Variants in CTNNA3 observed in about 807,000 individuals in gnomAD.
The protein encoded by CTNNA3 is catenin alpha-3.
Under a neutral mutation model 95.7 loss-of-function variants are expected in CTNNA3, and 76 were observed. The ratio of observed to expected loss-of-function variants is 0.79; its 90% CI spans 0.66 to 0.96. CTNNA3 has a LOEUF of 0.96. Among genes scored for constraint, CTNNA3 ranks in the 40% least tolerant of loss-of-function variants. The probability of loss-of-function intolerance (pLI) is 0.00; values close to 1 mark genes in which losing one functional copy is unlikely to be tolerated. For synonymous variants in CTNNA3, 431 were observed against 374.4 expected (o/e 1.15, Z -1.74); for missense variants, 1,191 against 1,089.8 (o/e 1.09, Z -1.31).
chr10:66,613,955 A>G (rs1479870252), intron 10 of CTNNA3, among the ~76,000 whole-genome samples: 1 of 152,088 alleles, frequency 6.6e-6, no homozygotes, highest in Non-Finnish European at 1.5e-5. Context: ...TGATACTTAG[A>G]AAATTAAGTG....
chr10:67,243,254 G>A (rs71496036), intron 5 of CTNNA3, among the ~76,000 whole-genome samples: 1,532 of 152,078 alleles, frequency 0.01, 15 homozygotes, highest in Non-Finnish European at 0.016. Context: ...AGGAATATCC[G>A]TGACTTTTCC....
intron 7 of CTNNA3, among the ~76,000 whole-genome samples, chr10:66,871,711 A>G (rs1296877573): frequency 6.6e-6 from 1 of 152,218 alleles, no homozygotes; most frequent in East Asian, 1.9e-4. Flanking sequence ...CTGTTCTGGA[A>G]TCTTTACATT....
intron 17 of CTNNA3, among the ~76,000 whole-genome samples, chr10:65,935,836 A>T (rs1265876670): frequency 1.3e-5 from 2 of 152,116 alleles, no homozygotes; most frequent in Non-Finnish European, 2.9e-5. Context: ...ATAGAAGGCT[A>T]GGGGTATTTT....
chr10:67,628,104 T>G (rs866325154), intron 2 of CTNNA3, among the ~76,000 whole-genome samples: 3 of 151,494 alleles, frequency 2.0e-5, no homozygotes, highest in Middle Eastern at 3.2e-3. Context: ...TAAATTTATT[T>G]AAAATTTACT....
intron 12 of CTNNA3, among the ~76,000 whole-genome samples, chr10:66,313,051 G>A (rs1055032453): frequency 6.6e-6 from 1 of 152,160 alleles, no homozygotes; most frequent in Non-Finnish European, 1.5e-5. Context: ...AAAAGGAAGA[G>A]AGTCTAGATT....
At chr10:66,332,628 C>A (rs2092344845) in intron 12 of CTNNA3, among the ~76,000 whole-genome samples, 1 of 151,954 alleles carries the variant, frequency 6.6e-6, no homozygotes, top group South Asian at 2.1e-4. Context: ...ATTTGGTTTG[C>A]CAGTATTTTA....
At chr10:67,547,209 T>TC (rs1247844001) in intron 3 of CTNNA3, among the ~76,000 whole-genome samples, 3 of 151,298 alleles carry the variant, frequency 2.0e-5, no homozygotes, top group African/African-American at 7.3e-5. Flanking sequence ...CCATAGCACC[T>TC]CCCCCCCAAA....
chr10:66,225,952 T>A (rs1311206932), intron 13 of CTNNA3, among the ~76,000 whole-genome samples: 1 of 152,096 alleles, frequency 6.6e-6, no homozygotes, highest in Non-Finnish European at 1.5e-5. Flanking sequence ...CTTCTTTGAG[T>A]TCTTAATATT....
chr10:67,715,229 T>C (rs57030984), intron 1 of CTNNA3, among the ~76,000 whole-genome samples: 5,415 of 152,324 alleles, frequency 0.036, 101 homozygotes, highest in Middle Eastern at 0.085. Context: ...GAGTCACACA[T>C]AGTTTTCAAT....
Position 67,413,444 on chromosome 10 carries a change from A to G in CTNNA3, c.579+108398T>C, listed in dbSNP as rs59740439. On this transcript the variant is annotated intron_variant, in intron 5 of 17. Coordinates refer to ENST00000433211, the MANE Select transcript of CTNNA3 (RefSeq NM_013266.4). ...AACTTTGGAGCACTGAGATTTATACAACAACTTCTTCTTGGCCTAGGAAAA... is the reference window on the plus strand; with the variant it reads ...AACTTTGGAGCACTGAGATTTATACGACAACTTCTTCTTGGCCTAGGAAAA... Among the ~76,000 whole-genome samples, 342 of 152,200 alleles carry G rather than the reference A, an allele frequency of 2.2e-3. 1 individual carries two copies. Among genetic ancestry groups the G allele is most frequent in the African/African-American group, 7.8e-3 (325 of 41,556 alleles).
At chr10:67,313,864 C>T (rs904152071) in intron 5 of CTNNA3, among the ~76,000 whole-genome samples, 23 of 152,106 alleles carry the variant, frequency 1.5e-4, no homozygotes, top group African/African-American at 5.6e-4. Context: ...GAGGGTCATA[C>T]TAGGTAGGAA....
At chr10:66,915,664 T>C (rs975858218) in intron 7 of CTNNA3, among the ~76,000 whole-genome samples, 10 of 151,014 alleles carry the variant, frequency 6.6e-5, no homozygotes, top group African/African-American at 2.4e-4. Context: ...TTATCTGAAA[T>C]GCCTGAGTGT....
intron 5 of CTNNA3, among the ~76,000 whole-genome samples, chr10:67,507,955 T>G (rs1194821841): frequency 6.6e-6 from 1 of 152,218 alleles, no homozygotes; most frequent in Admixed American, 6.5e-5. Context: ...TTCAACATGC[T>G]TTCATGATAA....
At chr10:67,241,755 A>G (rs545467862) in intron 5 of CTNNA3, among the ~76,000 whole-genome samples, 2 of 152,342 alleles carry the variant, frequency 1.3e-5, no homozygotes, top group African/African-American at 4.8e-5. Context: ...GTTCTATGAG[A>G]AATCATAAAA....
intron 2 of CTNNA3, among the ~76,000 whole-genome samples, chr10:67,647,103 A>G (rs1839735653): frequency 6.7e-6 from 1 of 149,308 alleles, no homozygotes. Flanking sequence ...TTCAGTTTTC[A>G]CGATTATCAA....
intron 3 of CTNNA3, among the ~76,000 whole-genome samples, chr10:67,556,965 C>T (rs1014070391): frequency 1.2e-4 from 19 of 152,216 alleles, no homozygotes; most frequent in Admixed American, 5.2e-4. Context: ...TCTTTGTTCT[C>T]ATTGGTTTCA....
At chr10:67,110,788 C>CA (rs1273788848) in intron 7 of CTNNA3, among the ~76,000 whole-genome samples, 22 of 151,822 alleles carry the variant, frequency 1.4e-4, no homozygotes, top group African/African-American at 5.1e-4. Context: ...ATTAATTACT[C>CA]AAAATCCTGC....
chr10:66,131,157 C>T (rs1010787370), intron 13 of CTNNA3, among the ~76,000 whole-genome samples: 1 of 152,036 alleles, frequency 6.6e-6, no homozygotes, highest in Non-Finnish European at 1.5e-5. Context: ...GAGCTGGTGC[C>T]TTTCCTACTG....
At chr10:66,887,876 T>G (rs992940902) in intron 7 of CTNNA3, among the ~76,000 whole-genome samples, 2 of 152,152 alleles carry the variant, frequency 1.3e-5, no homozygotes, top group African/African-American at 4.8e-5. Context: ...TTACTCTCCC[T>G]GGAGGCTGGA....
Sources: allele counts gnomAD v4.1 joint callset (sites outside exome capture counted in the v4.1 genomes callset), GRCh38; gene constraint gnomAD v4.1.1; transcripts MANE v1.5; gene names NCBI Gene and HGNC (gene_info 2026-07-23, HGNC 2026-07-21).